Variants in CAP2 observed in about 807,000 individuals in gnomAD.
The protein encoded by CAP2 is cyclase associated actin cytoskeleton regulatory protein 2.
Under a neutral mutation model 57.7 loss-of-function variants are expected in CAP2, and 24 were observed. That is an observed-to-expected ratio of 0.42 (90% CI 0.30 to 0.58). The LOEUF (loss-of-function observed/expected upper bound fraction) is 0.58. CAP2 is among the 20% of genes least tolerant of loss of function. CAP2 has a pLI of 0.22. For missense variants in CAP2, 501 were observed against 590.3 expected (o/e 0.85, Z 1.57); for synonymous variants, 194 against 207.2 (o/e 0.94, Z 0.55).
chr6:17,533,270 A>G (rs1215944020), intron 7 of CAP2, among the ~76,000 whole-genome samples: 1 of 152,094 alleles, frequency 6.6e-6, no homozygotes, highest in Non-Finnish European at 1.5e-5. Flanking sequence ...CAAACCTTCC[A>G]CACACTGCAT....
intron 4 of CAP2, among the ~76,000 whole-genome samples, chr6:17,468,243 C>T (rs547209770): frequency 2.0e-4 from 30 of 152,274 alleles, no homozygotes; most frequent in Admixed American, 1.8e-3. Context: ...CATTGACAGC[C>T]CTGATTGACA....
intron 11 of CAP2, among the ~76,000 whole-genome samples, chr6:17,547,597 T>C (rs1477713973): frequency 6.6e-6 from 1 of 152,120 alleles, no homozygotes; most frequent in Admixed American, 6.6e-5. Flanking sequence ...ATCCCAGCAT[T>C]TTGGGAGGCC....
At chr6:17,478,021 A>G (rs569848415) in intron 4 of CAP2, among the ~76,000 whole-genome samples, 25 of 147,996 alleles carry the variant, frequency 1.7e-4, no homozygotes, top group Non-Finnish European at 3.1e-4. Context: ...AAATATATTA[A>G]TTATATATCA....
chr6:17,403,811 C>T (rs750120026), intron 1 of CAP2, among the ~76,000 whole-genome samples: 61 of 152,142 alleles, frequency 4.0e-4, no homozygotes, highest in Middle Eastern at 3.4e-3. Flanking sequence ...CAGCCTGTTC[C>T]AGTATTCTTT....
chr6:17,509,898 G>A (rs1762102339), intron 6 of CAP2, among the ~76,000 whole-genome samples: 1 of 151,988 alleles, frequency 6.6e-6, no homozygotes, highest in Non-Finnish European at 1.5e-5. Context: ...AAAAAAGAAT[G>A]AAGTATTGAT....
At chr6:17,406,771 C>T (rs554377809) in intron 1 of CAP2, among the ~76,000 whole-genome samples, 14 of 152,198 alleles carry the variant, frequency 9.2e-5, no homozygotes, top group African/African-American at 2.9e-4. Flanking sequence ...ACTACGGCCA[C>T]GCTTGGGAGA....
intron 1 of CAP2, among the ~76,000 whole-genome samples, chr6:17,394,395 A>G (rs1758620016): frequency 6.6e-6 from 1 of 152,144 alleles, no homozygotes; most frequent in African/African-American, 2.4e-5. Context: ...TAGCCGCCGT[A>G]TCATCACTTT....
intron 1 of CAP2, among the ~76,000 whole-genome samples, chr6:17,401,082 A>G (rs1390914425): frequency 6.6e-6 from 1 of 152,184 alleles, no homozygotes; most frequent in Admixed American, 6.5e-5. Flanking sequence ...TTAGCTTCGA[A>G]GCTGCTGTGG....
At chr6:17,550,394 CTTTTTTTTTTTTTTTT>C (rs10557884) in intron 11 of CAP2, among the ~76,000 whole-genome samples, 6 of 52,014 alleles carry the variant, frequency 1.2e-4, no homozygotes, top group African/African-American at 1.6e-4. Context: ...CTACCCCTGC[CTTTTTTTTTTTTTTTT>C]TTTTTTTTTT....
intron 4 of CAP2, among the ~76,000 whole-genome samples, chr6:17,479,343 C>T (rs977212491): frequency 1.3e-5 from 2 of 152,184 alleles, no homozygotes; most frequent in African/African-American, 4.8e-5. Flanking sequence ...CTTGTGACCC[C>T]TCCTTTCCTC....
chr6:17,516,001 T>C (rs1173052833), intron 7 of CAP2, among the ~76,000 whole-genome samples: 1 of 152,244 alleles, frequency 6.6e-6, no homozygotes, highest in East Asian at 1.9e-4. Flanking sequence ...GAACTCATAT[T>C]GTGTAACCTT....
intron 7 of CAP2, among the ~76,000 whole-genome samples, chr6:17,533,489 G>A (rs573304967): frequency 7.3e-5 from 11 of 151,710 alleles, no homozygotes; most frequent in East Asian, 5.8e-4. Flanking sequence ...ATTTTTCGGC[G>A]TTGTGCTGTG....
At position 17,541,107 on chromosome 6, in the gene CAP2, C is replaced by T. The variant is rs1324643643; in HGVS notation, c.961C>T (p.His321Tyr). 2 of 1,613,832 alleles carry T rather than the reference C, an allele frequency of 1.2e-6. No individual in the cohort carries two copies. Among genetic ancestry groups the T allele is most frequent in the Admixed American group, 3.3e-5 (2 of 59,990 alleles). The change falls in exon 9 of 13, where the codon CAT becomes TAT. Residue 321 changes from histidine (H) to tyrosine (Y), a missense_variant. Coordinates refer to ENST00000229922, the MANE Select transcript of CAP2 (RefSeq NM_006366.3). ...TCCTAAATCTTATCCTTCTCAAAAA[C>T]ATGCCCCAGTGTTGGAGTTGGAAGG... Reference protein sequence around the residue: ...TSPKSYPSQKHAPVLELEGKK... With the variant: ...TSPKSYPSQKYAPVLELEGKK...
chr6:17,408,464 T>C (rs532626368), intron 1 of CAP2, among the ~76,000 whole-genome samples: 156 of 152,140 alleles, frequency 1.0e-3, no homozygotes, highest in African/African-American at 3.6e-3. Context: ...CCAAACACCT[T>C]CCACCTCCCA....
intron 3 of CAP2, among the ~76,000 whole-genome samples, chr6:17,435,717 TAAA>T (rs1187314233): frequency 0.032 from 2,491 of 77,822 alleles, 78 homozygotes; most frequent in African/African-American, 0.11. Context: ...AGTTTACGGA[TAAA>T]AAAAAAAAAA....
chr6:17,539,879 A>G (rs1762860655), intron 8 of CAP2, among the ~76,000 whole-genome samples: 1 of 152,122 alleles, frequency 6.6e-6, no homozygotes, highest in African/African-American at 2.4e-5. Context: ...CAGGAGTTCA[A>G]GACCAGCCTG....
At chr6:17,435,537 CG>C (rs924316952) in intron 3 of CAP2, among the ~76,000 whole-genome samples, 9 of 73,272 alleles carry the variant, frequency 1.2e-4, no homozygotes, top group Non-Finnish European at 2.0e-4. Flanking sequence ...GTGGTGGGGT[CG>C]GGGGAGGGGG....
In CAP2 at chr6:17,539,374, G is replaced by A. The variant is rs147812744; in HGVS notation, c.742G>A (p.Glu248Lys). Residue 248 changes from glutamate to lysine, a missense_variant, in exon 8 of 13, where the codon GAG (glutamate) becomes AAG (lysine). Coordinates refer to ENST00000229922, the MANE Select transcript of CAP2 (RefSeq NM_006366.3). ...TCCTCCAGGGCCACCTCCACTTTTC[G>A]AGAATGAAGGCAAAAAAGAGGAATC... is the stretch of plus-strand genomic sequence containing the variant. ...LPPPGPPPLFENEGKKEESSP... is the reference protein window; with the variant it reads ...LPPPGPPPLFKNEGKKEESSP... 32 of 1,613,958 alleles carry A rather than the reference G, an allele frequency of 2.0e-5. No individual in the cohort carries two copies. Among genetic ancestry groups the A allele is most frequent in the African/African-American group, 2.7e-5 (2 of 74,896 alleles).
Position 17,482,595 on chromosome 6 carries a change from C to T in CAP2, c.300+19522C>T, listed in dbSNP as rs182455063. Among the ~76,000 whole-genome samples, 396 of 149,930 alleles carry T rather than the reference C, an allele frequency of 2.6e-3. 2 individuals are homozygous for T. The highest frequency in any genetic ancestry group is 9.0e-3 in the African/African-American group (366 of 40,520). On this transcript the variant is annotated intron_variant, in intron 4 of 12. Transcript: ENST00000229922. ...AGATGGCCCAAGGGAAGAATCTCTTCTGAGACTCCCTCCTGACTTCTTGAG... is the reference window on the plus strand; with the variant it reads ...AGATGGCCCAAGGGAAGAATCTCTTTTGAGACTCCCTCCTGACTTCTTGAG...
Sources: allele counts gnomAD v4.1 joint callset (sites outside exome capture counted in the v4.1 genomes callset), GRCh38; gene constraint gnomAD v4.1.1; transcripts MANE v1.5; gene names NCBI Gene and HGNC (gene_info 2026-07-23, HGNC 2026-07-21).